Variants in CTPS2 observed in about 807,000 individuals in gnomAD.
The protein encoded by CTPS2 is CTP synthase 2.
In CTPS2, 19 loss-of-function variants were observed where a neutral mutation model predicts 46.8. The observed-to-expected ratio is 0.41, with a 90% CI of 0.28 to 0.60. CTPS2 has a LOEUF of 0.60. Among genes scored for constraint, CTPS2 ranks in the 20% least tolerant of loss-of-function variants. CTPS2 has a pLI of 0.35. For missense variants in CTPS2, 286 were observed against 447.6 expected (o/e 0.64, Z 3.26); for synonymous variants, 151 against 165.2 (o/e 0.91, Z 0.66).
chrX:16,608,872 A>G (rs1930121732), intron 17 of CTPS2, among the ~76,000 whole-genome samples: 1 of 111,427 alleles, frequency 9.0e-6, no homozygotes, highest in African/African-American at 3.3e-5. Context: ...TAAAATCCAT[A>G]TAGATTATAG....
At chrX:16,702,450 G>C (rs1924661143) in intron 2 of CTPS2, among the ~76,000 whole-genome samples, 1 of 112,242 alleles carries the variant, frequency 8.9e-6, no homozygotes, top group African/African-American at 3.2e-5. Context: ...ATTAATAATA[G>C]TTACTCCAGG....
chrX:16,596,233 C>T (rs1929253940), intron 17 of CTPS2, among the ~76,000 whole-genome samples: 2 of 108,750 alleles, frequency 1.8e-5, no homozygotes, highest in Admixed American at 9.9e-5. Flanking sequence ...GGTACATGTG[C>T]ACAATGTGCA....
chrX:16,618,524 T>C (rs1930649212), intron 15 of CTPS2, among the ~76,000 whole-genome samples: 1 of 111,814 alleles, frequency 8.9e-6, no homozygotes, highest in Non-Finnish European at 1.9e-5. Context: ...AACTTCCAGA[T>C]GGTTTTCCAA....
chrX:16,695,544 T>TTTTA (rs1184827935), intron 4 of CTPS2, among the ~76,000 whole-genome samples: 3 of 111,526 alleles, frequency 2.7e-5, no homozygotes, highest in South Asian at 3.7e-4. Flanking sequence ...CTTTTTTTAT[T>TTTTA]TTTATTTATT....
chrX:16,595,283 T>G (rs1929172451), intron 17 of CTPS2, among the ~76,000 whole-genome samples: 2 of 111,772 alleles, frequency 1.8e-5, no homozygotes, highest in Non-Finnish European at 1.9e-5. Context: ...CCTATGTGTC[T>G]TGTTACATTT....
chrX:16,653,927 T>C (rs183756656), intron 13 of CTPS2, among the ~76,000 whole-genome samples: 8 of 110,949 alleles, frequency 7.2e-5, no homozygotes, highest in Admixed American at 2.9e-4. Context: ...CATAGGGTGG[T>C]CGGAAGGATT....
intron 14 of CTPS2, among the ~76,000 whole-genome samples, chrX:16,623,828 A>T (rs1252490823): frequency 3.8e-5 from 2 of 52,739 alleles, no homozygotes. Flanking sequence ...TTTTTTTCTG[A>T]GACGGAGTCT....
chrX:16,602,852 T>C (rs1929742882), intron 17 of CTPS2, among the ~76,000 whole-genome samples: 1 of 111,775 alleles, frequency 8.9e-6, no homozygotes, highest in African/African-American at 3.3e-5. Context: ...AGTATTATTA[T>C]GGACTCATGG....
intron 4 of CTPS2, among the ~76,000 whole-genome samples, chrX:16,695,346 C>T (rs1167869933): frequency 9.0e-6 from 1 of 110,528 alleles, no homozygotes; most frequent in Non-Finnish European, 1.9e-5. Flanking sequence ...CTCTAGGTCA[C>T]CCACATTATC....
At chrX:16,635,269 T>A (rs1234574428) in intron 14 of CTPS2, among the ~76,000 whole-genome samples, 2 of 111,875 alleles carry the variant, frequency 1.8e-5, no homozygotes, top group African/African-American at 6.5e-5. Flanking sequence ...AATATGCCAA[T>A]ACGGGATGGG....
At chrX:16,668,807 AAGG>A (rs1921459046) in intron 11 of CTPS2, among the ~76,000 whole-genome samples, 1 of 108,386 alleles carries the variant, frequency 9.2e-6, no homozygotes, top group Admixed American at 9.9e-5. Flanking sequence ...GGAAGGAAGG[AAGG>A]AAGGAAAGAA....
chrX:16,675,294 G>A (rs1160241755), intron 10 of CTPS2, among the ~76,000 whole-genome samples: 1 of 108,681 alleles, frequency 9.2e-6, no homozygotes, highest in Middle Eastern at 4.7e-3. Flanking sequence ...AACTTGTAAA[G>A]GATTATAGAA....
chrX:16,660,201 G>A (rs1023626919), intron 13 of CTPS2, among the ~76,000 whole-genome samples: 17 of 104,371 alleles, frequency 1.6e-4, no homozygotes, highest in African/African-American at 6.0e-4. Context: ...TCCCTTTCAG[G>A]AGAATTTTTC....
chrX:16,695,415 A>G (rs1334305567), intron 4 of CTPS2, among the ~76,000 whole-genome samples: 1 of 112,410 alleles, frequency 8.9e-6, no homozygotes, highest in East Asian at 2.8e-4. Flanking sequence ...GTTGCCCCAG[A>G]TAAAAGGGAA....
chrX:16,618,993 C>T (rs1012902888), intron 15 of CTPS2, among the ~76,000 whole-genome samples: 1 of 112,223 alleles, frequency 8.9e-6, no homozygotes, highest in Non-Finnish European at 1.9e-5. Flanking sequence ...GAATGAATGG[C>T]TACGCTATTG....
At chrX:16,645,216 A>T (rs1197564079) in intron 13 of CTPS2, among the ~76,000 whole-genome samples, 1 of 105,805 alleles carries the variant, frequency 9.5e-6, no homozygotes, top group Non-Finnish European at 1.9e-5. Flanking sequence ...GATGGTCTCG[A>T]TCTCCTGACC....
At chrX:16,605,845 G>A (rs749184073) in intron 17 of CTPS2, among the ~76,000 whole-genome samples, 51 of 113,022 alleles carry the variant, frequency 4.5e-4, no homozygotes, top group Non-Finnish European at 7.9e-4. Context: ...TTTTGATTTT[G>A]CATGTATTTT....
chrX:16,685,792 A>G lies in CTPS2; in HGVS notation c.873-2566T>C, dbSNP rs1018244486. Among the ~76,000 whole-genome samples, 221 of 102,224 alleles carry G rather than the reference A, an allele frequency of 2.2e-3. 1 individual carries two copies. The highest frequency in any genetic ancestry group is 3.2e-3 in the Non-Finnish European group (160 of 50,423). The allele number at this position is 102,224 out of a possible 115,157, so 88.8% of individuals were successfully genotyped here. A position where few individuals can be genotyped will look rare whatever the true frequency, so the allele number is the denominator to read the frequency against. Reference sequence around the variant, plus strand: ...TGAGGCAGGAGAATGGCATGAACCCAGGAGGCAGAGCTTGCAGTGAGCTGA... The same window carrying G: ...TGAGGCAGGAGAATGGCATGAACCCGGGAGGCAGAGCTTGCAGTGAGCTGA... On this transcript the variant is annotated intron_variant, in intron 8 of 18. Transcript: ENST00000359276.
At chrX:16,707,862 A>T (rs185284215) in intron 1 of CTPS2, among the ~76,000 whole-genome samples, 2 of 110,474 alleles carry the variant, frequency 1.8e-5, no homozygotes, top group African/African-American at 6.6e-5. Context: ...GGTCCCAGCT[A>T]CATGAGCTGC....
Sources: allele counts gnomAD v4.1 joint callset (sites outside exome capture counted in the v4.1 genomes callset), GRCh38; gene constraint gnomAD v4.1.1; transcripts MANE v1.5; gene names NCBI Gene and HGNC (gene_info 2026-07-23, HGNC 2026-07-21).